NCOA4: variants seen among roughly 807,000 people sequenced by gnomAD.
The protein encoded by NCOA4 is nuclear receptor coactivator 4, also known as 70 kDa AR-activator.
A neutral mutation model predicts 69.5 loss-of-function variants in NCOA4; 31 were observed. That is an observed-to-expected ratio of 0.45 (90% confidence interval 0.34 to 0.60). The LOEUF is 0.60. Among genes scored for constraint, NCOA4 ranks in the 20% least tolerant of loss-of-function variants. The probability of loss-of-function intolerance (pLI) is 0.02; values close to 1 mark genes in which losing one functional copy is unlikely to be tolerated. For missense variants in NCOA4, 600 were observed against 719.2 expected (o/e 0.83, Z 1.90); for synonymous variants, 228 against 252.4 (o/e 0.90, Z 0.92).
chr10:46,019,594 G>A (rs1839755518), intron 1 of NCOA4: 1 of 868,162 alleles, frequency 1.2e-6, no homozygotes, highest in Middle Eastern at 5.9e-4. Flanking sequence ...ACATACGGGA[G>A]ACAAACTCAA....
rs1838783747 is a variant in NCOA4 at position 46,005,937 on chromosome 10, T to C, written c.*655A>G. The C allele has an allele frequency of 4.9e-6, 1 of 206,118 alleles. No individual in the cohort carries two copies. The allele number at this position is 206,118 out of a possible 1,614,324, so 12.8% of individuals were successfully genotyped here. A position where few individuals can be genotyped will look rare whatever the true frequency, so the allele number is the denominator to read the frequency against. The stretch of plus-strand genomic sequence containing the variant: ...CCTTCTAAAGAGCTCACTGGATATT[T>C]TAATAACATTTACAGAAAGACAAAA... On this transcript the variant is annotated 3_prime_UTR_variant, in exon 10 of 10. Coordinates refer to ENST00000581486, the MANE Select transcript of NCOA4 (RefSeq NM_001145263.2).
intron 1 of NCOA4, chr10:46,027,317 TTCATA>T: frequency 1.2e-6 from 1 of 844,112 alleles, no homozygotes; most frequent in Non-Finnish European, 1.8e-6. Context: ...ACTGTAGTCA[TTCATA>T]TCAGAAGTTA....
chr10:46,023,438 G>C, intron 1 of NCOA4: 1 of 985,690 alleles, frequency 1.0e-6, no homozygotes, highest in Non-Finnish European at 1.2e-6. Flanking sequence ...CCGCCCACGC[G>C]TCACACGGCA....
At chr10:46,006,775 CAAT>C (rs1174444643) in intron 9 of NCOA4, among the ~76,000 whole-genome samples, 178 bp from the exon 10 acceptor site, 15 of 152,214 alleles carry the variant, frequency 9.9e-5, no homozygotes, top group African/African-American at 3.4e-4. Flanking sequence ...AACTTTTCAT[CAAT>C]AAATGTCCTG....
chr10:46,022,579 G>A, intron 1 of NCOA4: 1 of 399,842 alleles, frequency 2.5e-6, no homozygotes, highest in Non-Finnish European at 5.1e-6. Context: ...TCCTGTCTCA[G>A]CCTCCCAGGT....
At chr10:46,007,644 C>T (rs1359278309) in intron 9 of NCOA4, among the ~76,000 whole-genome samples, 2 of 136,974 alleles carry the variant, frequency 1.5e-5, no homozygotes, top group African/African-American at 5.6e-5. Flanking sequence ...CCAGGCAAGA[C>T]CGCAGCAGAG....
At chr10:46,018,165 C>T (rs969107304) in intron 1 of NCOA4, among the ~76,000 whole-genome samples, 7 of 152,144 alleles carry the variant, frequency 4.6e-5, no homozygotes, top group Non-Finnish European at 1.0e-4. Context: ...GAGGCACATC[C>T]CTGTTTTTCC....
Position 46,028,460 on chromosome 10 carries a change from C to T in NCOA4, c.-15+2066G>A, listed in dbSNP as rs533339023. On this transcript the variant is annotated intron_variant, in intron 1 of 9. Coordinates refer to ENST00000581486, the MANE Select transcript of NCOA4 (RefSeq NM_001145263.2). ...TCAGTAAGTATTTACATCTAGTCTA[C>T]TATGTGCCGAGCCTTTTTTTAAAAA... Among the ~76,000 whole-genome samples the T allele has an allele frequency of 7.3e-5, 11 of 151,240 alleles. No individual in the cohort carries two copies. In the East Asian group the frequency reaches 1.8e-3, roughly 24 times the overall value.
At chr10:46,023,870 T>C (rs1326741265) in intron 1 of NCOA4, among the ~76,000 whole-genome samples, 1 of 152,266 alleles carries the variant, frequency 6.6e-6, no homozygotes, top group Non-Finnish European at 1.5e-5. Context: ...CCTCATAGCC[T>C]GCATATGCAA....
In NCOA4 at chr10:46,010,876, T is replaced by G. The variant is rs1280012228; in HGVS notation, c.1045A>C (p.Asn349His). ...DWLVKTDSCT[N>H]CQGNQPKGVE... ...CCTTTGGGCTGGTTTCCCTGACAGT[T>G]GGTACAGGAGTCAGTCTTGACAAGC... Residue 349 changes from asparagine to histidine, a missense_variant, in exon 8 of 10, where the codon AAC becomes CAC. Transcript: ENST00000581486. 2.5e-6 allele frequency: 4 copies of G among 1,613,838 alleles called. No homozygotes were observed. The Admixed American group carries it at 5.0e-5, about 20-fold the overall frequency.
Position 46,024,534 on chromosome 10 carries a change from G to A in NCOA4, c.-15+5992C>T, listed in dbSNP as rs111713369. Among the ~76,000 whole-genome samples, 919 of 152,222 alleles carry A rather than the reference G, an allele frequency of 6.0e-3. 5 individuals are homozygous for A. The highest frequency in any genetic ancestry group is 0.031 in the Middle Eastern group (9 of 294). ...GAGTTTCACAGTTATATTCATTTGT[G>A]TTTCTCTCCTCAAGCCAGCTGTAGC... On this transcript the variant is annotated intron_variant, in intron 1 of 9. Transcript: ENST00000581486.
Position 46,013,014 on chromosome 10 carries a change from C to T in NCOA4, c.583G>A (p.Gly195Ser), listed in dbSNP as rs782298209. ...ISMPEQKSAS[G>S]IVAVPFSEWL... ...TCGCTGAAAGGGACAGCTACAATAC[C>T]GGATGCTGACTTCTGTTAATCACAA... is the stretch of plus-strand genomic sequence containing the variant. The change falls in exon 7 of 10, where the codon GGT becomes AGT. Residue 195 changes from glycine (G) to serine (S), a missense_variant. By Grantham distance (56) the Gly-to-Ser change is moderately conservative (BLOSUM62 0). Coordinates refer to ENST00000581486, the MANE Select transcript of NCOA4 (RefSeq NM_001145263.2). The T allele has an allele frequency of 4.3e-6, 7 of 1,613,744 alleles. No individual in the cohort carries two copies. Among genetic ancestry groups the T allele is most frequent in the Middle Eastern group, 1.6e-4 (1 of 6,078 alleles).
intron 7 of NCOA4, among the ~76,000 whole-genome samples, chr10:46,012,553 C>T (rs1357009284): frequency 6.6e-6 from 1 of 151,568 alleles, no homozygotes; most frequent in Non-Finnish European, 1.5e-5. Flanking sequence ...ATCTACCTAC[C>T]GAAACAGGAC....
chr10:46,029,968 T>A (rs1380201211), intron 1 of NCOA4, among the ~76,000 whole-genome samples: 2 of 152,108 alleles, frequency 1.3e-5, no homozygotes, highest in Non-Finnish European at 2.9e-5. Flanking sequence ...TCGGGATTAT[T>A]GGGAGAATTA....
At chr10:46,008,004 G>A (rs181251564) in intron 9 of NCOA4, among the ~76,000 whole-genome samples, 1 of 152,294 alleles carries the variant, frequency 6.6e-6, no homozygotes, top group East Asian at 1.9e-4. Context: ...CAGCGCACCT[G>A]TTCACAGCAT....
rs186631521 is a variant in NCOA4 at position 46,013,151 on chromosome 10, A to G, written c.571-125T>C. Reference sequence around the variant, plus strand: ...AATCATGTGCCTTCCAAGAGCCTCAATTTTCACAATTATAAAACAAGAGAC... The same window carrying G: ...AATCATGTGCCTTCCAAGAGCCTCAGTTTTCACAATTATAAAACAAGAGAC... On this transcript the variant is annotated intron_variant, in intron 6 of 9. Coordinates refer to ENST00000581486, the MANE Select transcript of NCOA4 (RefSeq NM_001145263.2). 358 of 791,320 alleles carry G rather than the reference A, an allele frequency of 4.5e-4. 4 individuals are homozygous for G. The Admixed American group carries it at 9.1e-3, about 20-fold the overall frequency. The allele number at this position is 791,320 out of a possible 1,614,324, so 49.0% of individuals were successfully genotyped here.
chr10:46,027,622 T>C, intron 1 of NCOA4: 1 of 708,616 alleles, frequency 1.4e-6, no homozygotes, highest in Non-Finnish European at 2.3e-6. Flanking sequence ...GCCATGGCCT[T>C]CTACAGTTCT....
At chr10:46,006,624 A>T (rs782741655) in intron 9 of NCOA4, 27 bp from the exon 10 acceptor site, 47 of 1,613,670 alleles carry the variant, frequency 2.9e-5, no homozygotes, top group Non-Finnish European at 3.8e-5. Flanking sequence ...ACAGATGATA[A>T]GTTACTTCAA....
rs117013736 is a variant in NCOA4 at position 46,008,541 on chromosome 10, C to T, written c.1839+870G>A. On this transcript the variant is annotated intron_variant, in intron 9 of 9. Coordinates refer to ENST00000581486, the MANE Select transcript of NCOA4 (RefSeq NM_001145263.2). ...CTGCAATCTCATGATCAAACTTAAA[C>T]GGATGAGCAGTTGCTTCTTACGGAT... Among the ~76,000 whole-genome samples, 730 of 152,302 alleles carry T rather than the reference C, an allele frequency of 4.8e-3. 4 individuals carry two copies. The highest frequency in any genetic ancestry group is 0.019 in the East Asian group (97 of 5,190).
Sources: gnomAD v4.1 joint callset for allele counts (sites outside exome capture counted in the v4.1 genomes callset) on GRCh38, gnomAD v4.1.1 for gene constraint, MANE v1.5 for transcripts, NCBI Gene and HGNC (gene_info 2026-07-23, HGNC 2026-07-21) for gene names.